The following ERGIC1 variants were observed in gnomAD, a reference collection of about 807,000 sequenced individuals.
ERGIC1 encodes the protein endoplasmic reticulum-Golgi intermediate compartment protein 1.
ERGIC1 carries 19 observed loss-of-function variants against 38.3 expected under a neutral mutation model. The observed-to-expected ratio is 0.50, with a 90% CI of 0.35 to 0.73. ERGIC1 has a LOEUF of 0.73. Ranked by LOEUF, ERGIC1 falls within the 30% of genes least tolerant of loss-of-function variation. ERGIC1 has a pLI of 0.01. For missense variants in ERGIC1, 294 were observed against 389.2 expected (o/e 0.76, Z 2.06); for synonymous variants, 124 against 157.6 (o/e 0.79, Z 1.60).
At chr5:172,867,001 A>AGAT (rs764576517) in intron 1 of ERGIC1, 1 of 360,716 alleles carries the variant, frequency 2.8e-6, no homozygotes, top group African/African-American at 2.1e-5. Flanking sequence ...ATGCAGATGG[A>AGAT]GATGATGCAG....
intron 1 of ERGIC1, among the ~76,000 whole-genome samples, chr5:172,848,617 G>A (rs990030513): frequency 2.0e-5 from 3 of 152,100 alleles, no homozygotes; most frequent in African/African-American, 7.2e-5. Flanking sequence ...CTGAGTCCTC[G>A]AGAGCAGGGG....
At chr5:172,928,672 GTATA>G in intron 7 of ERGIC1, among the ~76,000 whole-genome samples, 1 of 125,002 alleles carries the variant, frequency 8.0e-6, no homozygotes, top group African/African-American at 3.0e-5. Context: ...GGTATAGTAG[GTATA>G]TGATCGATGA....
intron 1 of ERGIC1, among the ~76,000 whole-genome samples, chr5:172,859,524 C>G (rs573957429): frequency 6.6e-6 from 1 of 152,310 alleles, no homozygotes; most frequent in South Asian, 2.1e-4. Flanking sequence ...AGTGCCGTCC[C>G]AAGCCTTTGA....
At chr5:172,856,417 CA>C (rs144034866) in intron 1 of ERGIC1, among the ~76,000 whole-genome samples, 37,444 of 152,084 alleles carry the variant, frequency 0.25, 4,681 homozygotes, top group East Asian at 0.35. Context: ...GGGAGTGAAT[CA>C]GGGTGCTTCC....
Position 172,853,346 on chromosome 5 carries a change from G to A in ERGIC1, c.20+18913G>A, listed in dbSNP as rs904982994. Among the ~76,000 whole-genome samples, 33 of 152,190 alleles carry A rather than the reference G, an allele frequency of 2.2e-4. 1 individual carries two copies. Among genetic ancestry groups the A allele is most frequent in the African/African-American group, 1.9e-4 (8 of 41,430 alleles). On this transcript the variant is annotated intron_variant, in intron 1 of 9. Coordinates refer to ENST00000393784, the MANE Select transcript of ERGIC1 (RefSeq NM_001031711.3). ...GGCTTTTGGAAATCCCTGCATACCC[G>A]CAACGGCTCCCGTGGTGGGGGTGGA...
chr5:172,948,734 C>G (rs1581594134), intron 9 of ERGIC1, among the ~76,000 whole-genome samples: 1 of 152,200 alleles, frequency 6.6e-6, no homozygotes, highest in East Asian at 1.9e-4. Flanking sequence ...AGTAGATGCT[C>G]AAGAGGAAAA....
chr5:172,902,224 G>A (rs1762901013), intron 3 of ERGIC1, among the ~76,000 whole-genome samples: 1 of 152,172 alleles, frequency 6.6e-6, no homozygotes, highest in Non-Finnish European at 1.5e-5. Context: ...CAGGCAGATG[G>A]AAGCCTGGGA....
At chr5:172,856,688 A>G (rs1220575231) in intron 1 of ERGIC1, among the ~76,000 whole-genome samples, 2 of 152,208 alleles carry the variant, frequency 1.3e-5, no homozygotes, top group Non-Finnish European at 2.9e-5. Context: ...GGGAGCACCG[A>G]AAGTCTTTTG....
At chr5:172,912,136 G>A (rs538140196) in intron 4 of ERGIC1, among the ~76,000 whole-genome samples, 1 of 149,274 alleles carries the variant, frequency 6.7e-6, no homozygotes, top group Admixed American at 6.7e-5. Flanking sequence ...CATAATATGA[G>A]TAAAATAATA....
intron 2 of ERGIC1, among the ~76,000 whole-genome samples, chr5:172,891,097 T>A (rs1320111144): frequency 6.6e-6 from 1 of 152,230 alleles, no homozygotes; most frequent in Non-Finnish European, 1.5e-5. Flanking sequence ...CCGGGATGTG[T>A]CTTGTGCAGG....
chr5:172,850,373 T>TCC (rs1345726075), intron 1 of ERGIC1, among the ~76,000 whole-genome samples: 1 of 124,270 alleles, frequency 8.0e-6, no homozygotes, highest in African/African-American at 3.0e-5. Flanking sequence ...TGCTTGGGCC[T>TCC]CCGCCTGCCC....
intron 5 of ERGIC1, chr5:172,920,300 C>A (rs1203629648): frequency 1.4e-6 from 1 of 717,330 alleles, no homozygotes. Flanking sequence ...AGCAGCCAGC[C>A]CCCGCACCTC....
At chr5:172,909,028 A>G (rs1363077535) in intron 3 of ERGIC1, among the ~76,000 whole-genome samples, 1 of 152,096 alleles carries the variant, frequency 6.6e-6, no homozygotes, top group Admixed American at 6.5e-5. Context: ...TGTTATCCCC[A>G]CTTAACAGGT....
At chr5:172,907,431 G>C (rs948371900) in intron 3 of ERGIC1, among the ~76,000 whole-genome samples, 1 of 152,170 alleles carries the variant, frequency 6.6e-6, no homozygotes, top group African/African-American at 2.4e-5. Flanking sequence ...GGTGGCGCAT[G>C]CCAGTAGTCC....
intron 3 of ERGIC1, among the ~76,000 whole-genome samples, chr5:172,909,231 G>A (rs13153373): frequency 1.2e-4 from 18 of 145,812 alleles, no homozygotes; most frequent in Admixed American, 3.5e-4. Flanking sequence ...GTGCAGTGGC[G>A]CAATCTCGGC....
intron 1 of ERGIC1, among the ~76,000 whole-genome samples, chr5:172,862,461 A>G (rs1387308589): frequency 1.3e-5 from 2 of 151,976 alleles, no homozygotes; most frequent in African/African-American, 4.8e-5. Flanking sequence ...GAGGATGGCA[A>G]TGGTGGTGAG....
At chr5:172,923,212 G>T (rs1203176918) in intron 5 of ERGIC1, among the ~76,000 whole-genome samples, 3 of 97,012 alleles carry the variant, frequency 3.1e-5, no homozygotes, top group African/African-American at 1.1e-4. Flanking sequence ...GAGGAGGAGG[G>T]TTCCAGGATC....
intron 1 of ERGIC1, among the ~76,000 whole-genome samples, chr5:172,845,162 T>G (rs921671731): frequency 6.6e-5 from 10 of 151,480 alleles, no homozygotes; most frequent in African/African-American, 2.4e-4. Context: ...AGGAGGGGAG[T>G]GTTGTTACCC....
At chr5:172,850,829 G>A (rs936002688) in intron 1 of ERGIC1, among the ~76,000 whole-genome samples, 6 of 152,208 alleles carry the variant, frequency 3.9e-5, no homozygotes, top group African/African-American at 1.4e-4. Context: ...GCCCACAAAT[G>A]TGATTATTTG....
Sources: gnomAD v4.1 joint callset for allele counts (sites outside exome capture counted in the v4.1 genomes callset) on GRCh38, gnomAD v4.1.1 for gene constraint, MANE v1.5 for transcripts, NCBI Gene and HGNC (gene_info 2026-07-23, HGNC 2026-07-21) for gene names.